The following ADAM7 variants were observed in gnomAD, a reference collection of about 807,000 sequenced individuals.
ADAM7 encodes ADAM metallopeptidase domain 7.
ADAM7 carries 97 observed loss-of-function variants against 102.9 expected under a neutral mutation model. The ratio of observed to expected loss-of-function variants is 0.94; its 90% CI spans 0.80 to 1.12. The LOEUF (loss-of-function observed/expected upper bound fraction) is 1.12, where lower values mean the gene tolerates loss of function less well. Among genes scored for constraint, ADAM7 ranks in the 50% most tolerant of loss-of-function variants. The pLI is 0.00. For synonymous variants in ADAM7, 334 were observed against 304.4 expected (o/e 1.10, Z -1.01); for missense variants, 991 against 908.7 (o/e 1.09, Z -1.16).
chr8:24,484,539 T>C (rs1214367629), intron 9 of ADAM7, among the ~76,000 whole-genome samples: 2 of 152,188 alleles, frequency 1.3e-5, no homozygotes, highest in Non-Finnish European at 2.9e-5. Context: ...CCTGAGTTTC[T>C]ATGGTTGATT....
At chr8:24,463,718 G>A (rs1819329311) in intron 3 of ADAM7, among the ~76,000 whole-genome samples, 164 bp from the exon 4 acceptor site, 1 of 152,104 alleles carries the variant, frequency 6.6e-6, no homozygotes, top group African/African-American at 2.4e-5. Context: ...TAAGTAGAAA[G>A]GCTCTTCATA....
At chr8:24,454,452 C>G (rs1368510655) in intron 3 of ADAM7, among the ~76,000 whole-genome samples, 1 of 151,994 alleles carries the variant, frequency 6.6e-6, no homozygotes, top group East Asian at 1.9e-4. Context: ...TAAGACCCTC[C>G]GAGCCAGGTG....
At chr8:24,441,250 AC>A (rs1361481880) in intron 1 of ADAM7, 90 bp downstream of exon 1, 14 of 1,286,290 alleles carry the variant, frequency 1.1e-5, no homozygotes. Context: ...AGTGATAAAA[AC>A]ATTAAACGTT....
In ADAM7 at chr8:24,487,289, G is replaced by A. The variant is rs746936902; in HGVS notation, c.1063G>A (p.Gly355Arg). ...HDEFPCTCPS[G>R]KCVMDSDGSI... is the part of the protein sequence containing the mutation. Reference sequence around the variant, plus strand: ...CGAGTTCCCATGCACCTGTCCTTCAGGAAAATGCGTGATGGACAGTGATGG... The same window carrying A: ...CGAGTTCCCATGCACCTGTCCTTCAAGAAAATGCGTGATGGACAGTGATGG... The change falls in exon 11 of 22, where the codon GGA becomes AGA. Residue 355 changes from glycine (G) to arginine (R), a missense_variant. By Grantham distance (125) the Gly-to-Arg change is moderately radical. Transcript: ENST00000175238. 23 of 1,613,586 alleles carry A rather than the reference G, an allele frequency of 1.4e-5. No homozygotes were observed. In the South Asian group the frequency reaches 2.5e-4, roughly 18 times the overall value.
chr8:24,468,657 T>A, intron 6 of ADAM7, 110 bp from the exon 7 acceptor site: 1 of 880,974 alleles, frequency 1.1e-6, no homozygotes, highest in Admixed American at 2.3e-5. Flanking sequence ...CCATTTTGTA[T>A]CAATATCAAC....
At chr8:24,492,779 T>C (rs1820409687) in intron 15 of ADAM7, among the ~76,000 whole-genome samples, 182 bp downstream of exon 15, 1 of 152,136 alleles carries the variant, frequency 6.6e-6, no homozygotes, top group Non-Finnish European at 1.5e-5. Flanking sequence ...TAAAAAAATA[T>C]TCCCCTGTAA....
At chr8:24,483,490 C>T (rs182342505) in intron 9 of ADAM7, among the ~76,000 whole-genome samples, 4 of 152,308 alleles carry the variant, frequency 2.6e-5, no homozygotes, top group East Asian at 1.9e-4. Flanking sequence ...ATTATTTAGA[C>T]GTTGACTTTC....
rs191971851 is a variant in ADAM7 at position 24,451,291 on chromosome 8, T to C, written c.233+4029T>C. On this transcript the variant is annotated intron_variant, in intron 3 of 21. Coordinates refer to ENST00000175238, the MANE Select transcript of ADAM7 (RefSeq NM_003817.4). Reference sequence around the variant, plus strand: ...AATCCATCTGGTCCTCGACTCTTTTTGGTTGGTAAGCTATTGATTATTGCC... The same window carrying C: ...AATCCATCTGGTCCTCGACTCTTTTCGGTTGGTAAGCTATTGATTATTGCC... Among the ~76,000 whole-genome samples the C allele has an allele frequency of 1.6e-3, 240 of 152,314 alleles. 1 individual carries two copies. The highest frequency in any genetic ancestry group is 2.6e-3 in the Non-Finnish European group (179 of 68,030).
chr8:24,487,438 G>C, intron 11 of ADAM7, 121 bp downstream of exon 11: 1 of 1,256,558 alleles, frequency 8.0e-7, no homozygotes, highest in South Asian at 1.6e-5. Flanking sequence ...CCTGAGGTCA[G>C]GAGTTCGAGA....
At chr8:24,469,798 C>A (rs1475347222) in intron 7 of ADAM7, among the ~76,000 whole-genome samples, 2 of 151,992 alleles carry the variant, frequency 1.3e-5, no homozygotes, top group African/African-American at 4.8e-5. Context: ...CCTGTTTTAA[C>A]ATTTATAAAA....
intron 1 of ADAM7, among the ~76,000 whole-genome samples, chr8:24,441,641 G>A (rs1477053673): frequency 6.6e-6 from 1 of 152,006 alleles, no homozygotes; most frequent in Non-Finnish European, 1.5e-5. Flanking sequence ...AATTAAGCAG[G>A]GCTCATCTCA....
chr8:24,489,063 T>G, intron 11 of ADAM7, 96 bp from the exon 12 acceptor site: 3 of 1,159,518 alleles, frequency 2.6e-6, no homozygotes, highest in Non-Finnish European at 3.5e-6. Context: ...AACATTTACA[T>G]TTGTTCTTTT....
rs367672903 is a variant in ADAM7 at position 24,495,071 on chromosome 8, A to G, written c.1842+1842A>G. Among the ~76,000 whole-genome samples, 4 of 152,188 alleles carry G rather than the reference A, an allele frequency of 2.6e-5. No individual in the cohort carries two copies. The East Asian group carries it at 7.7e-4, about 29-fold the overall frequency. On this transcript the variant is annotated intron_variant, in intron 16 of 21. Transcript: ENST00000175238. ...GATGAATTCTTCCAACCCCAGTGTC[A>G]TGAAAGTATGTGAGGAGGCTGGGTT...
In ADAM7 at chr8:24,482,303, AT is replaced by A. The variant is rs1284018925; in HGVS notation, c.869del (p.Leu290TyrfsTer39). On this transcript the variant is annotated frameshift_variant, in exon 9 of 22. Transcript: ENST00000175238. LOFTEE classifies it high-confidence loss of function. Reference sequence around the variant, plus strand: ...CACGGAAGGATTTTGATCATGTTGTATTACTCAGGTTGGTGATTGCTCTATT... The same window carrying A: ...CACGGAAGGATTTTGATCATGTTGTATACTCAGGTTGGTGATTGCTCTATT... ...KTRKDFDHVVLLSGKWLYSHV... is the reference protein window; with the variant it reads ...KTRKDFDHVVXLSGKWLYSHV... 2.5e-6 allele frequency: 4 copies of A among 1,608,596 alleles called. No individual in the cohort carries two copies. The highest frequency in any genetic ancestry group is 2.5e-6 in the Non-Finnish European group (3 of 1,178,484).
chr8:24,445,484 A>G (rs1818521884), intron 2 of ADAM7, among the ~76,000 whole-genome samples: 1 of 152,160 alleles, frequency 6.6e-6, no homozygotes, highest in Admixed American at 6.5e-5. Context: ...CTTAGTCTTG[A>G]CTACTCTCTC....
chr8:24,460,654 C>T (rs1056670491), intron 3 of ADAM7, among the ~76,000 whole-genome samples: 12 of 151,538 alleles, frequency 7.9e-5, no homozygotes, highest in African/African-American at 2.9e-4. Flanking sequence ...AATGTAAAAA[C>T]ATTGCAATAA....
chr8:24,485,992 T>G (rs1212392169), intron 10 of ADAM7, among the ~76,000 whole-genome samples: 1 of 152,196 alleles, frequency 6.6e-6, no homozygotes, highest in South Asian at 2.1e-4. Context: ...AGTACTTATT[T>G]AAATGACCAC....
intron 9 of ADAM7, 65 bp downstream of exon 9, chr8:24,482,376 A>C: frequency 6.9e-7 from 1 of 1,455,814 alleles, no homozygotes; most frequent in Non-Finnish European, 9.1e-7. Context: ...ACAAAAAAAA[A>C]TTAACAGAAA....
At chr8:24,482,343 T>C in intron 9 of ADAM7, 32 bp downstream of exon 9, 1 of 1,573,030 alleles carries the variant, frequency 6.4e-7, no homozygotes, top group Non-Finnish European at 8.6e-7. Flanking sequence ...TTGCATACCT[T>C]TGGTGGATTA....
Sources: gnomAD v4.1 joint callset for allele counts (sites outside exome capture counted in the v4.1 genomes callset) on GRCh38, gnomAD v4.1.1 for gene constraint, MANE v1.5 for transcripts, NCBI Gene and HGNC (gene_info 2026-07-23, HGNC 2026-07-21) for gene names.